Variants in PLXDC2 observed in about 807,000 individuals in gnomAD.
PLXDC2 encodes plexin domain containing 2.
PLXDC2 carries 40 observed loss-of-function variants against 68.9 expected under a neutral mutation model. That is an observed-to-expected ratio of 0.58 (90% CI 0.45 to 0.76). The LOEUF (loss-of-function observed/expected upper bound fraction) is 0.76, where lower values mean the gene tolerates loss of function less well. PLXDC2 is among the 30% of genes least tolerant of loss of function. The probability of loss-of-function intolerance (pLI) is 0.00; values close to 1 mark genes in which losing one functional copy is unlikely to be tolerated. For synonymous variants in PLXDC2, 243 were observed against 234.2 expected, an observed-to-expected ratio of 1.04 and a Z score of -0.34; for missense variants, 644 against 661.9, an observed-to-expected ratio of 0.97 and a Z score of 0.30.
intron 9 of PLXDC2, among the ~76,000 whole-genome samples, chr10:20,200,049 C>A (rs1293454297): frequency 1.3e-5 from 2 of 151,594 alleles, no homozygotes; most frequent in Admixed American, 1.3e-4. Flanking sequence ...GTAGGAGAGG[C>A]TTTTCTGAGC....
At chr10:20,069,083 T>C (rs1836272531) in intron 4 of PLXDC2, among the ~76,000 whole-genome samples, 1 of 152,188 alleles carries the variant, frequency 6.6e-6, no homozygotes, top group Admixed American at 6.5e-5. Context: ...CAAAGCACCA[T>C]AGACAGAGTC....
intron 3 of PLXDC2, among the ~76,000 whole-genome samples, chr10:20,062,201 G>A (rs1044064994): frequency 3.9e-5 from 6 of 152,140 alleles, no homozygotes; most frequent in Admixed American, 2.6e-4. Flanking sequence ...CGAGGTGGGC[G>A]GATCACGAGG....
At chr10:19,847,737 C>G (rs16919399) in intron 1 of PLXDC2, among the ~76,000 whole-genome samples, 2,128 of 152,302 alleles carry the variant, frequency 0.014, 46 homozygotes, top group African/African-American at 0.048. Context: ...GTGTTGTGGA[C>G]TATTCTAGGC....
chr10:20,210,066 A>G (rs1439423513), intron 9 of PLXDC2, among the ~76,000 whole-genome samples: 1 of 152,158 alleles, frequency 6.6e-6, no homozygotes, highest in Non-Finnish European at 1.5e-5. Flanking sequence ...TTTACATAAA[A>G]GAGACAAAAA....
intron 1 of PLXDC2, among the ~76,000 whole-genome samples, chr10:19,844,297 A>C (rs1836961346): frequency 6.6e-6 from 1 of 152,202 alleles, no homozygotes; most frequent in Admixed American, 6.5e-5. Context: ...TTTTTGAACG[A>C]ATGGTTCCTA....
intron 9 of PLXDC2, among the ~76,000 whole-genome samples, chr10:20,196,893 A>T (rs1281210435): frequency 6.6e-6 from 1 of 152,166 alleles, no homozygotes; most frequent in African/African-American, 2.4e-5. Context: ...AAAGTGTTGG[A>T]AATCACTAAT....
intron 1 of PLXDC2, among the ~76,000 whole-genome samples, chr10:19,824,163 T>C (rs1248310710): frequency 6.6e-6 from 1 of 152,220 alleles, no homozygotes; most frequent in African/African-American, 2.4e-5. Flanking sequence ...AGAGACCTTA[T>C]GTTTCAATAA....
At chr10:19,819,031 T>TACACACACAC (rs63295361) in intron 1 of PLXDC2, among the ~76,000 whole-genome samples, 4,791 of 147,792 alleles carry the variant, frequency 0.032, 133 homozygotes, top group African/African-American at 0.076. Context: ...AATATATGTA[T>TACACACACAC]ACACACACAC....
intron 12 of PLXDC2, among the ~76,000 whole-genome samples, chr10:20,222,060 T>C (rs1336764789): frequency 6.6e-6 from 1 of 152,196 alleles, no homozygotes; most frequent in Non-Finnish European, 1.5e-5. Context: ...TAGTTACTTT[T>C]TGGTGACTAA....
At chr10:19,837,812 A>G (rs1049729322) in intron 1 of PLXDC2, among the ~76,000 whole-genome samples, 1 of 152,186 alleles carries the variant, frequency 6.6e-6, no homozygotes, top group Non-Finnish European at 1.5e-5. Context: ...ATGCTTCCAC[A>G]TAAATCAGCA....
At chr10:19,904,863 A>G (rs1564624683) in intron 1 of PLXDC2, among the ~76,000 whole-genome samples, 1 of 152,212 alleles carries the variant, frequency 6.6e-6, no homozygotes, top group East Asian at 1.9e-4. Flanking sequence ...CCTAAATTTG[A>G]GATGCCATCT....
chr10:20,181,166 T>C (rs1464448824), intron 9 of PLXDC2, among the ~76,000 whole-genome samples: 1 of 152,090 alleles, frequency 6.6e-6, no homozygotes, highest in Non-Finnish European at 1.5e-5. Context: ...AGCAGGAGTT[T>C]ACTTTTTGAT....
intron 2 of PLXDC2, 126 bp downstream of exon 2, chr10:20,002,112 C>A: frequency 1.1e-6 from 1 of 912,554 alleles, no homozygotes. Context: ...TTTTAAAGAA[C>A]AATTTAATTC....
At chr10:19,999,660 A>C (rs1834900621) in intron 1 of PLXDC2, among the ~76,000 whole-genome samples, 1 of 152,168 alleles carries the variant, frequency 6.6e-6, no homozygotes, top group Non-Finnish European at 1.5e-5. Context: ...AGTGCAAGGA[A>C]AATGCAGGTA....
rs1197510410 is a variant in PLXDC2, at chr10:19,816,783, G to C, written c.-297G>C. 2.1e-6 allele frequency: 1 copy of C among 486,170 alleles called. No homozygotes were observed. The highest frequency in any genetic ancestry group is 3.7e-6 in the Non-Finnish European group (1 of 271,766). The allele number at this position is 486,170 out of a possible 1,614,324, so 30.1% of individuals were successfully genotyped here. A position where few individuals can be genotyped will look rare whatever the true frequency, so the allele number is the denominator to read the frequency against. Reference sequence around the variant, plus strand: ...CCCGAGTGGAACCGACAGTTTGCGAGCCTCGGCTGCAAGTGGCCTCTCCTC... The same window carrying C: ...CCCGAGTGGAACCGACAGTTTGCGACCCTCGGCTGCAAGTGGCCTCTCCTC... On this transcript the variant is annotated 5_prime_UTR_variant, in exon 1 of 14. Transcript: ENST00000377252.
intron 1 of PLXDC2, among the ~76,000 whole-genome samples, chr10:19,917,503 G>C (rs1011594581): frequency 4.6e-5 from 7 of 151,884 alleles, no homozygotes; most frequent in African/African-American, 9.7e-5. Context: ...TCTCATAAAT[G>C]GTTTTGAAAT....
At chr10:19,831,488 A>G (rs1232171254) in intron 1 of PLXDC2, among the ~76,000 whole-genome samples, 1 of 152,006 alleles carries the variant, frequency 6.6e-6, no homozygotes, top group Non-Finnish European at 1.5e-5. Context: ...TTATTTAGGT[A>G]AGCTTGTGCC....
rs530582299 is a variant in PLXDC2, at chr10:19,948,211, A to G, written c.113-53564A>G. On this transcript the variant is annotated intron_variant, in intron 1 of 13. Transcript: ENST00000377252. ...AGAGGCTCCAGACATTCAGCATATT[A>G]TTATTAGGGCCTCAGAAGAAGGTAA... Among the ~76,000 whole-genome samples the G allele has an allele frequency of 8.5e-5, 13 of 152,228 alleles. No individual in the cohort carries two copies. The South Asian group carries it at 1.7e-3, about 19-fold the overall frequency.
At chr10:20,255,122 A>T (rs963438766) in intron 13 of PLXDC2, among the ~76,000 whole-genome samples, 1 of 152,144 alleles carries the variant, frequency 6.6e-6, no homozygotes, top group East Asian at 1.9e-4. Flanking sequence ...TTCCCTAATT[A>T]TTTCAATGCT....
Sources: gnomAD v4.1 joint callset for allele counts (sites outside exome capture counted in the v4.1 genomes callset) on GRCh38, gnomAD v4.1.1 for gene constraint, MANE v1.5 for transcripts, NCBI Gene and HGNC (gene_info 2026-07-23, HGNC 2026-07-21) for gene names.